Variants in SCN1A observed in about 807,000 individuals in gnomAD.
The protein encoded by SCN1A is sodium channel protein type 1 subunit alpha.
Under a neutral mutation model 193.7 loss-of-function variants are expected in SCN1A, and 13 were observed. The ratio of observed to expected loss-of-function variants is 0.07; its 90% confidence interval spans 0.04 to 0.11. The LOEUF is 0.11. Ranked by LOEUF, SCN1A falls within the 10% of genes least tolerant of loss-of-function variation. The probability of loss-of-function intolerance (pLI) is 1.00; values close to 1 mark genes in which losing one functional copy is unlikely to be tolerated. For synonymous variants in SCN1A, 781 were observed against 843.6 expected (o/e 0.93, Z 1.29); for missense variants, 1,432 against 2,451.1 (o/e 0.58, Z 8.78).
At position 166,062,654 on chromosome 2, in the gene SCN1A, A is replaced by G. The variant is rs1683429537; in HGVS notation, c.265-3966T>C. On this transcript the variant is annotated intron_variant, in intron 4 of 28. Transcript: ENST00000674923. The stretch of plus-strand genomic sequence containing the variant: ...AATATTTGCCTTCCCCGCTATACGT[A>G]TAAGAAAGGGCTCCAAGAGGGAAGA... Among the ~76,000 whole-genome samples the G allele has an allele frequency of 2.6e-5, 4 of 152,126 alleles. No individual in the cohort carries two copies. The South Asian group carries it at 8.3e-4, about 32-fold the overall frequency.
intron 2 of SCN1A, among the ~76,000 whole-genome samples, chr2:166,085,209 C>A (rs546691564): frequency 5.3e-5 from 8 of 152,286 alleles, no homozygotes; most frequent in African/African-American, 1.9e-4. Flanking sequence ...GGGAGACATA[C>A]AATACCCTCC....
At chr2:166,054,885 ATTTT>A (rs2105903330) in intron 6 of SCN1A, 119 bp from the exon 7 acceptor site, 1 of 893,084 alleles carries the variant, frequency 1.1e-6, no homozygotes, top group African/African-American at 1.7e-5. Flanking sequence ...AAGCAGATGG[ATTTT>A]AATTTCATAC....
In SCN1A at chr2:166,036,539, C is replaced by A. The variant is rs773941197; in HGVS notation, c.2947-9G>T. 8 of 1,612,344 alleles carry A rather than the reference C, an allele frequency of 5.0e-6. No homozygotes were observed. Among genetic ancestry groups the A allele is most frequent in the Non-Finnish European group, 6.8e-6 (8 of 1,179,070 alleles). On this transcript the variant is annotated splice_polypyrimidine_tract_variant and intron_variant, in intron 18 of 28. Coordinates refer to ENST00000674923, the MANE Select transcript of SCN1A (RefSeq NM_001165963.4). ...AGAAAGAGATTCAGGACCTTAAAAA[C>A]AACAAAAACATGATTATAATTTTAC...
At chr2:166,055,309 G>A (rs1283012766) in intron 6 of SCN1A, among the ~76,000 whole-genome samples, 1 of 151,488 alleles carries the variant, frequency 6.6e-6, no homozygotes, top group African/African-American at 2.4e-5. Flanking sequence ...AAATTCTTCT[G>A]ATAATTCAGA....
intron 2 of SCN1A, among the ~76,000 whole-genome samples, chr2:166,123,962 C>A (rs1471920367): frequency 6.6e-6 from 1 of 152,064 alleles, no homozygotes; most frequent in African/African-American, 2.4e-5. Context: ...TGATTCAATC[C>A]ATCATTGGCC....
intron 19 of SCN1A, among the ~76,000 whole-genome samples, chr2:166,026,927 C>A (rs368018118): frequency 6.6e-6 from 1 of 151,878 alleles, no homozygotes; most frequent in Non-Finnish European, 1.5e-5. Context: ...TCGTGATTCG[C>A]CCGCCTCGGC....
intron 24 of SCN1A, 141 bp downstream of exon 24, chr2:166,002,331 T>A: frequency 3.4e-6 from 3 of 875,702 alleles, no homozygotes; most frequent in Non-Finnish European, 5.1e-6. Flanking sequence ...TCTGGGCTCA[T>A]AAACTTGTAC....
intron 2 of SCN1A, chr2:166,092,749 TAGTC>T (rs1478909712): frequency 6.6e-6 from 1 of 152,184 alleles, no homozygotes; most frequent in Non-Finnish European, 1.5e-5. Context: ...AGAATAAGAA[TAGTC>T]AGGTTCAAAA....
At chr2:166,039,941 T>C (rs1351518799) in intron 16 of SCN1A, among the ~76,000 whole-genome samples, 236 of 85,140 alleles carry the variant, frequency 2.8e-3, no homozygotes, top group African/African-American at 0.01. Flanking sequence ...TTTTTTTTTT[T>C]TGAGACGGAG....
chr2:166,069,511 A>G (rs568141), intron 4 of SCN1A, among the ~76,000 whole-genome samples: 31,180 of 152,210 alleles, frequency 0.2, 3,830 homozygotes, highest in Middle Eastern at 0.37. Context: ...CAGCAGTGAC[A>G]TTTTAATAAG....
chr2:166,006,072 C>G (rs1691611772), intron 23 of SCN1A, among the ~76,000 whole-genome samples: 1 of 151,182 alleles, frequency 6.6e-6, no homozygotes, highest in South Asian at 2.1e-4. Flanking sequence ...TTCATACATG[C>G]AGAAATGTCT....
rs1443268629 is a variant in SCN1A at position 166,009,703 on chromosome 2, C to G, written c.4002+16G>C. The stretch of plus-strand genomic sequence containing the variant: ...TTGGCTATATACAATACTTCAGGTT[C>G]TTTCATTTTTCTTACCCTCATCCCT... On this transcript the variant is annotated intron_variant, in intron 23 of 28. Coordinates refer to ENST00000674923, the MANE Select transcript of SCN1A (RefSeq NM_001165963.4). 3 of 1,600,076 alleles carry G rather than the reference C, an allele frequency of 1.9e-6. No homozygotes were observed. The highest frequency in any genetic ancestry group is 1.4e-5 in the African/African-American group (1 of 74,014).
intron 6 of SCN1A, among the ~76,000 whole-genome samples, chr2:166,055,152 A>G (rs10185885): frequency 0.48 from 72,939 of 150,896 alleles, 18,240 homozygotes; most frequent in East Asian, 0.56. Context: ...CAAGTTTAAT[A>G]GTGTTCTAAG....
intron 2 of SCN1A, among the ~76,000 whole-genome samples, chr2:166,094,013 A>C (rs1687107859): frequency 6.6e-6 from 1 of 151,738 alleles, no homozygotes; most frequent in Non-Finnish European, 1.5e-5. Flanking sequence ...TTTTTCATGA[A>C]AATAGCTAAA....
intron 8 of SCN1A, among the ~76,000 whole-genome samples, chr2:166,052,250 T>C (rs1173948246): frequency 6.6e-6 from 1 of 152,010 alleles, no homozygotes; most frequent in Non-Finnish European, 1.5e-5. Context: ...ATGGAGCCTA[T>C]ATTAAGGAAA....
chr2:166,043,475 G>A (rs796375244), intron 14 of SCN1A, among the ~76,000 whole-genome samples, 194 bp downstream of exon 14: 19 of 152,176 alleles, frequency 1.2e-4, no homozygotes, highest in African/African-American at 3.9e-4. Flanking sequence ...ATAAGTAAAT[G>A]CATTCAGGTT....
intron 19 of SCN1A, among the ~76,000 whole-genome samples, chr2:166,026,147 T>A (rs540412957): frequency 1.3e-5 from 2 of 152,244 alleles, no homozygotes; most frequent in African/African-American, 4.8e-5. Flanking sequence ...AAAATAAAAA[T>A]TTTCTGTAAA....
intron 23 of SCN1A, among the ~76,000 whole-genome samples, chr2:166,007,949 C>G (rs1400146776): frequency 6.6e-6 from 1 of 151,082 alleles, no homozygotes; most frequent in Non-Finnish European, 1.5e-5. Flanking sequence ...AAAATAGAAT[C>G]AATTATAACG....
rs187609478 is a variant in SCN1A, at chr2:165,998,574, T to C, written c.4339-399A>G. Among the ~76,000 whole-genome samples, 3 of 151,332 alleles carry C rather than the reference T, an allele frequency of 2.0e-5. No homozygotes were observed. The East Asian group carries it at 5.8e-4, about 29-fold the overall frequency. Reference sequence around the variant, plus strand: ...TGTATGCATGAAATAATGTAGCAAATAAGAAATGAGTTGTTCATTCAGATG... The same window carrying C: ...TGTATGCATGAAATAATGTAGCAAACAAGAAATGAGTTGTTCATTCAGATG... On this transcript the variant is annotated intron_variant, in intron 25 of 28. Coordinates refer to ENST00000674923, the MANE Select transcript of SCN1A (RefSeq NM_001165963.4).
Sources: gnomAD v4.1 joint callset for allele counts (sites outside exome capture counted in the v4.1 genomes callset) on GRCh38, gnomAD v4.1.1 for gene constraint, MANE v1.5 for transcripts, NCBI Gene and HGNC (gene_info 2026-07-23, HGNC 2026-07-21) for gene names.